Variants in PRRG2 observed in about 807,000 individuals in gnomAD.
PRRG2 encodes the protein transmembrane gamma-carboxyglutamic acid protein 2.
PRRG2 carries 23 observed loss-of-function variants against 27.1 expected under a neutral mutation model. The observed-to-expected ratio is 0.85, with a 90% confidence interval of 0.61 to 1.20. PRRG2 has a LOEUF of 1.20. PRRG2 is among the 50% of genes most tolerant of loss of function. The pLI is 0.00. For synonymous variants in PRRG2, 104 were observed against 103.4 expected (o/e 1.01, Z -0.03); for missense variants, 276 against 254.8 (o/e 1.08, Z -0.57).
At chr19:49,580,918 T>G (rs554611053), upstream of PRRG2, among the ~76,000 whole-genome samples, 27 of 152,232 alleles carry the variant, frequency 1.8e-4, no homozygotes, top group Non-Finnish European at 2.6e-4. Flanking sequence ...TTGCTGCATC[T>G]TAAAACAATT....
chr19:49,585,404 GC>G (rs2080661948), intron 4 of PRRG2, among the ~76,000 whole-genome samples: 2 of 152,228 alleles, frequency 1.3e-5, no homozygotes, highest in Admixed American at 1.3e-4. Context: ...GCCTAGCGAG[GC>G]GTAGTGGCTC....
chr19:49,590,184 G>GGGCCCCATGCAATGGTCTAGGGGCGT (rs2080707481), intron 6 of PRRG2, 132 bp downstream of exon 6: 5 of 1,399,518 alleles, frequency 3.6e-6, no homozygotes, highest in Non-Finnish European at 4.8e-6. Flanking sequence ...TGCGGGGGCG[G>GGGCCCCATGCAATGGTCTAGGGGCGT]GGCCCCATGC....
At position 49,587,039 on chromosome 19, in the gene PRRG2, C is replaced by T. The variant is rs1253981337; in HGVS notation, c.302-1458C>T. Among the ~76,000 whole-genome samples the T allele has an allele frequency of 2.6e-5, 4 of 152,030 alleles. 1 individual carries two copies. The highest frequency in any genetic ancestry group is 1.3e-4 in the Admixed American group (2 of 15,244). On this transcript the variant is annotated intron_variant, in intron 4 of 6. Coordinates refer to ENST00000246794, the MANE Select transcript of PRRG2 (RefSeq NM_000951.3). ...AGGCATGGTGGCACACACCTGTGGT[C>T]CCAGCTACTCAGGAGGCAGAGGTGG...
At chr19:49,582,765 G>C (rs1047438350) in intron 1 of PRRG2, among the ~76,000 whole-genome samples, 2 of 152,176 alleles carry the variant, frequency 1.3e-5, no homozygotes, top group African/African-American at 2.4e-5. Flanking sequence ...CTACTCGGGA[G>C]GCTGAGGCAG....
rs773057537 is a variant in PRRG2, at chr19:49,588,607, C to T, written c.412C>T (p.Arg138Ter). The T allele has an allele frequency of 1.9e-5, 30 of 1,545,376 alleles. No individual in the cohort carries two copies. The highest frequency in any genetic ancestry group is 2.7e-5 in the African/African-American group (2 of 72,862). ...AFWYLRWRQH[R>*]GQQPCPQEAG... is the part of the protein sequence containing the mutation. ...TTGGTATCTGCGCTGGCGACAGCAC[C>T]GAGGCCAGCAGCCCTGTCCCCAAGA... The change falls in exon 5 of 7, where the codon CGA becomes TGA. Residue 138 changes from arginine to a stop codon, truncating the protein, a stop_gained. Transcript: ENST00000246794. LOFTEE classifies it high-confidence loss of function.
chr19:49,583,804 C>T, intron 3 of PRRG2, 87 bp downstream of exon 3: 4 of 1,604,914 alleles, frequency 2.5e-6, no homozygotes, highest in Non-Finnish European at 3.4e-6. Context: ...TGGCCTTCAG[C>T]TCCCTCCTCC....
intron 1 of PRRG2, among the ~76,000 whole-genome samples, chr19:49,582,994 G>A (rs929927794): frequency 4.6e-5 from 7 of 151,644 alleles, no homozygotes; most frequent in Non-Finnish European, 1.0e-4. Context: ...CTGTGCCACT[G>A]CACTCCAGCC....
chr19:49,589,957 G>GCCTCCA lies in PRRG2; in HGVS notation c.498_503dup (p.Pro172_Pro173dup), dbSNP rs2080703436. ...ACCCTCTGGGCCCACCGACGCCCCT[G>GCCTCCA]CCTCCACCCCCACCCCCACCCCCAG... On this transcript the variant is annotated inframe_insertion, in exon 6 of 7. Transcript: ENST00000246794. The GCCTCCA allele has an allele frequency of 1.3e-6, 2 of 1,593,308 alleles. No individual in the cohort carries two copies. The highest frequency in any genetic ancestry group is 4.5e-5 in the East Asian group (2 of 44,780).
rs764103609 is a variant in PRRG2, at chr19:49,588,649, G to A, written c.437+17G>A. The A allele has an allele frequency of 5.3e-6, 8 of 1,520,094 alleles. No homozygotes were observed. Among genetic ancestry groups the A allele is most frequent in the East Asian group, 5.0e-5 (2 of 40,300 alleles). The allele number at this position is 1,520,094 out of a possible 1,614,324, so 94.2% of individuals were successfully genotyped here. A position where few individuals can be genotyped will look rare whatever the true frequency, so the allele number is the denominator to read the frequency against. On this transcript the variant is annotated intron_variant, in intron 5 of 6. Transcript: ENST00000246794. Reference sequence around the variant, plus strand: ...TCCCCAAGAGTAAGGGGGCTTCAGCGAGGAGGGGGTGGTGGTGGAGAGCAG... The same window carrying A: ...TCCCCAAGAGTAAGGGGGCTTCAGCAAGGAGGGGGTGGTGGTGGAGAGCAG...
intron 4 of PRRG2, among the ~76,000 whole-genome samples, chr19:49,586,962 A>G (rs1395568697): frequency 6.6e-6 from 1 of 150,508 alleles, no homozygotes; most frequent in African/African-American, 2.5e-5. Flanking sequence ...TAGGAGTTTG[A>G]GGCCAACCTG....
At chr19:49,581,552 A>ACCCAGAAGTTTGGGGCTCCTAGG (rs2080623713) in intron 1 of PRRG2, 71 bp downstream of exon 1, 1 of 151,866 alleles carries the variant, frequency 6.6e-6, no homozygotes, top group Non-Finnish European at 1.5e-5. Flanking sequence ...CCCCTCCGAG[A>ACCCAGAAGTTTGGGGCTCCTAGG]CCCAGAAGTT....
chr19:49,583,703 GA>G lies in PRRG2; in HGVS notation c.248del (p.Asp83AlafsTer32). On this transcript the variant is annotated frameshift_variant, in exon 3 of 7. Transcript: ENST00000246794. LOFTEE classifies it high-confidence loss of function. ...SWEEAREYFEDNTLTERFWES... is the reference protein window; with the variant it reads ...SWEEAREYFEXNTLTERFWES... Reference sequence around the variant, plus strand: ...GGAAGAGGCCAGGGAGTATTTTGAGGACAACACTCTCACGGTGAGGGCCTCG... The same window carrying G: ...GGAAGAGGCCAGGGAGTATTTTGAGGCAACACTCTCACGGTGAGGGCCTCG... 1 of 1,614,044 alleles carries G rather than the reference GA, an allele frequency of 6.2e-7. No individual in the cohort carries two copies. Among genetic ancestry groups the G allele is most frequent in the Non-Finnish European group, 8.5e-7 (1 of 1,179,980 alleles).
At chr19:49,588,238 C>T (rs558990708) in intron 4 of PRRG2, among the ~76,000 whole-genome samples, 1 of 152,338 alleles carries the variant, frequency 6.6e-6, no homozygotes, top group South Asian at 2.1e-4. Context: ...GCTGGGATTA[C>T]AGGCATGAGC....
At chr19:49,582,452 A>C (rs1288353347) in intron 1 of PRRG2, among the ~76,000 whole-genome samples, 1 of 150,854 alleles carries the variant, frequency 6.6e-6, no homozygotes, top group Non-Finnish European at 1.5e-5. Context: ...TTTTTGTATG[A>C]CTCCTGTGAA....
chr19:49,583,241 C>T lies in PRRG2; in HGVS notation c.22C>T (p.Leu8=), dbSNP rs370748558. 4 of 1,614,002 alleles carry T rather than the reference C, an allele frequency of 2.5e-6. No homozygotes were observed. In the African/African-American group the frequency reaches 4.0e-5, roughly 16 times the overall value. The part of the protein sequence containing the change: MRGHPSL[L]LLYMALTTCL... Reference sequence around the variant, plus strand: ...AAATATGAGGGGCCACCCCTCTCTGCTGCTGCTATATATGGCATTAACCAC... The same window carrying T: ...AAATATGAGGGGCCACCCCTCTCTGTTGCTGCTATATATGGCATTAACCAC... Residue 8 remains leucine, a synonymous_variant, in exon 2 of 7, where the codon CTG becomes TTG. Transcript: ENST00000246794.
At chr19:49,583,150 A>C in intron 1 of PRRG2, 57 bp from the exon 2 acceptor site, 3 of 1,440,554 alleles carry the variant, frequency 2.1e-6, no homozygotes, top group Non-Finnish European at 2.9e-6. Flanking sequence ...TCAGAGAGGC[A>C]CTGCCTCATT....
chr19:49,584,028 T>A, intron 4 of PRRG2, 76 bp downstream of exon 4: 2 of 1,425,990 alleles, frequency 1.4e-6, no homozygotes, highest in Non-Finnish European at 1.9e-6. Context: ...ACCAACGTCC[T>A]CCACCCCAAA....
intron 1 of PRRG2, among the ~76,000 whole-genome samples, chr19:49,582,624 T>C (rs988199271): frequency 2.6e-5 from 4 of 151,756 alleles, no homozygotes; most frequent in African/African-American, 9.7e-5. Context: ...AAAATTCACT[T>C]TGGGAGGCTG....
At chr19:49,583,159 T>C in intron 1 of PRRG2, 48 bp from the exon 2 acceptor site, 2 of 1,505,968 alleles carry the variant, frequency 1.3e-6, no homozygotes, top group South Asian at 2.3e-5. Context: ...CACTGCCTCA[T>C]TACCCAGGGA....
Sources: gnomAD v4.1 joint callset for allele counts (sites outside exome capture counted in the v4.1 genomes callset) on GRCh38, gnomAD v4.1.1 for gene constraint, MANE v1.5 for transcripts, NCBI Gene and HGNC (gene_info 2026-07-23, HGNC 2026-07-21) for gene names.